SLMAP: variants seen among roughly 807,000 people sequenced by gnomAD.
SLMAP encodes sarcolemma associated protein.
In SLMAP, 44 loss-of-function variants were observed where a neutral mutation model predicts 128.8. That is an observed-to-expected ratio of 0.34 (90% CI 0.27 to 0.44). The LOEUF is 0.44. SLMAP is among the 20% of genes least tolerant of loss of function. The pLI is 1.00. For missense variants in SLMAP, 787 were observed against 985.3 expected (o/e 0.80, Z 2.69); for synonymous variants, 327 against 348.8 (o/e 0.94, Z 0.70).
intron 2 of SLMAP, among the ~76,000 whole-genome samples, chr3:57,788,820 G>A (rs1168302862): frequency 2.0e-5 from 3 of 152,184 alleles, no homozygotes; most frequent in Non-Finnish European, 4.4e-5. Flanking sequence ...AGTGATGAAT[G>A]TGGAAGCTCG....
chr3:57,791,289 G>A (rs2085393604), intron 2 of SLMAP, among the ~76,000 whole-genome samples: 1 of 152,002 alleles, frequency 6.6e-6, no homozygotes, highest in African/African-American at 2.4e-5. Flanking sequence ...GAATCCAGGA[G>A]GCAGAGGTTG....
At chr3:57,849,861 A>C in intron 6 of SLMAP, 45 bp downstream of exon 6, 1 of 1,128,386 alleles carries the variant, frequency 8.9e-7, no homozygotes, top group South Asian at 1.2e-5. Context: ...ATTTCTTTTA[A>C]ACTTTTAAAA....
At chr3:57,829,291 T>TA (rs1439861471) in intron 2 of SLMAP, among the ~76,000 whole-genome samples, 1 of 152,132 alleles carries the variant, frequency 6.6e-6, no homozygotes, top group African/African-American at 2.4e-5. Context: ...TATGTTTTTT[T>TA]AAAAAATGCT....
At chr3:57,897,159 A>G (rs2096263774) in intron 17 of SLMAP, 2 of 1,244,218 alleles carry the variant, frequency 1.6e-6, no homozygotes, top group South Asian at 5.6e-5. Flanking sequence ...ACAAAGTGTT[A>G]AGTGGTAGAA....
chr3:57,795,878 A>C (rs1204858979), intron 2 of SLMAP, among the ~76,000 whole-genome samples: 1 of 152,176 alleles, frequency 6.6e-6, no homozygotes, highest in East Asian at 1.9e-4. Context: ...TTCTGTCTCT[A>C]GGACTTTGCC....
At chr3:57,766,388 G>C (rs188455754) in intron 2 of SLMAP, among the ~76,000 whole-genome samples, 3 of 152,076 alleles carry the variant, frequency 2.0e-5, no homozygotes. Context: ...GTAGGGAAGA[G>C]AATGTCATTT....
At chr3:57,840,076 C>T (rs1210323591) in intron 3 of SLMAP, among the ~76,000 whole-genome samples, 2 of 152,204 alleles carry the variant, frequency 1.3e-5, no homozygotes, top group Admixed American at 6.5e-5. Flanking sequence ...CTGCCTCGGC[C>T]TCCCAAAGTA....
At chr3:57,842,428 TATTAAA>T (rs916841314) in intron 4 of SLMAP, among the ~76,000 whole-genome samples, 1 of 152,202 alleles carries the variant, frequency 6.6e-6, no homozygotes, top group Non-Finnish European at 1.5e-5. Context: ...ACAGCTTAAT[TATTAAA>T]ATTAAAATAA....
chr3:57,870,007 C>T (rs1164718391), intron 13 of SLMAP, among the ~76,000 whole-genome samples: 1 of 151,596 alleles, frequency 6.6e-6, no homozygotes, highest in Non-Finnish European at 1.5e-5. Flanking sequence ...TTTATCTAAA[C>T]CAGTTTAGTA....
intron 14 of SLMAP, among the ~76,000 whole-genome samples, chr3:57,888,627 T>C (rs1335670962): frequency 1.3e-5 from 2 of 149,968 alleles, no homozygotes; most frequent in East Asian, 1.9e-4. Context: ...AAAAAAAAAA[T>C]AGTGATTATA....
chr3:57,863,911 T>G (rs1370670526), intron 10 of SLMAP, among the ~76,000 whole-genome samples: 1 of 152,212 alleles, frequency 6.6e-6, no homozygotes, highest in East Asian at 1.9e-4. Flanking sequence ...ACTTCAAAAT[T>G]GAAATGATAG....
Position 57,757,546 on chromosome 3 carries a change from T to C in SLMAP, c.-106T>C. 1.0e-6 allele frequency: 1 copy of C among 973,438 alleles called. No homozygotes were observed. The highest frequency in any genetic ancestry group is 1.4e-5 in the South Asian group (1 of 69,714). 60.3% of individuals were successfully genotyped at this position (973,438 alleles called of 1,614,324 possible). On this transcript the variant is annotated 5_prime_UTR_variant, in exon 2 of 25. Coordinates refer to ENST00000671191, the MANE Select transcript of SLMAP (RefSeq NM_001377540.1). ...TTAGACAATGTGCAGTTTGTGTTAA[T>C]TTAAAATTTTGGGTGGGATAGGGGC...
intron 2 of SLMAP, among the ~76,000 whole-genome samples, chr3:57,797,234 CA>C (rs762423781): frequency 1.3e-4 from 20 of 150,360 alleles, no homozygotes; most frequent in Non-Finnish European, 2.2e-4. Flanking sequence ...CCTGTAATCC[CA>C]GTACTTTGGG....
chr3:57,896,238 T>A (rs1409409006), intron 15 of SLMAP: 1 of 1,127,882 alleles, frequency 8.9e-7, no homozygotes, highest in African/African-American at 1.6e-5. Flanking sequence ...GCTTCGTTTT[T>A]GTTTCCAGTT....
chr3:57,815,133 G>A (rs1432342608), intron 2 of SLMAP, among the ~76,000 whole-genome samples: 3 of 152,088 alleles, frequency 2.0e-5, no homozygotes, highest in Non-Finnish European at 4.4e-5. Context: ...AGATCATCAG[G>A]CATTAGTTAG....
intron 2 of SLMAP, among the ~76,000 whole-genome samples, chr3:57,804,368 T>A (rs1005585822): frequency 2.0e-5 from 3 of 152,204 alleles, no homozygotes; most frequent in African/African-American, 7.2e-5. Flanking sequence ...GAGAAGGTAA[T>A]GTGTGATGAT....
At chr3:57,870,053 T>G (rs1027608510) in intron 13 of SLMAP, among the ~76,000 whole-genome samples, 1 of 152,086 alleles carries the variant, frequency 6.6e-6, no homozygotes, top group African/African-American at 2.4e-5. Flanking sequence ...AAAGTGTGAT[T>G]GTTAGCTTTG....
chr3:57,764,795 C>T (rs967822737), intron 2 of SLMAP, among the ~76,000 whole-genome samples: 1 of 152,156 alleles, frequency 6.6e-6, no homozygotes, highest in East Asian at 1.9e-4. Flanking sequence ...AACTCAAGCT[C>T]ATAACCACTG....
At chr3:57,848,898 G>A (rs527936017) in intron 5 of SLMAP, among the ~76,000 whole-genome samples, 1 of 151,842 alleles carries the variant, frequency 6.6e-6, no homozygotes, top group South Asian at 2.1e-4. Flanking sequence ...TAGTAGAGAC[G>A]GGGTTTCTCC....
Sources: allele counts gnomAD v4.1 joint callset (sites outside exome capture counted in the v4.1 genomes callset), GRCh38; gene constraint gnomAD v4.1.1; transcripts MANE v1.5; gene names NCBI Gene and HGNC (gene_info 2026-07-23, HGNC 2026-07-21).